CHI3L2: variants seen among roughly 807,000 people sequenced by gnomAD.
CHI3L2 encodes the protein chitinase 3 like 2.
CHI3L2 carries 47 observed loss-of-function variants against 47.3 expected under a neutral mutation model. The observed-to-expected ratio is 0.99, with a 90% CI of 0.79 to 1.27. CHI3L2 has a LOEUF of 1.27. Ranked by LOEUF, CHI3L2 falls within the 50% of genes most tolerant of loss-of-function variation. The pLI is 0.00. For synonymous variants in CHI3L2, 198 were observed against 169.9 expected, an observed-to-expected ratio of 1.17 and a Z score of -1.28; for missense variants, 497 against 462.1, an observed-to-expected ratio of 1.08 and a Z score of -0.69.
Position 111,238,941 on chromosome 1 carries a change from A to G in CHI3L2, c.918+9A>G. On this transcript the variant is annotated intron_variant, in intron 8 of 10. Coordinates refer to ENST00000369748, the MANE Select transcript of CHI3L2 (RefSeq NM_004000.3). ...TCCTGGCCTATTATGAGGTACCTGG[A>G]AACCCCCTGTACCCTCAGCTCCCTG... 6.3e-7 allele frequency: 1 copy of G among 1,582,580 alleles called. No homozygotes were observed. The highest frequency in any genetic ancestry group is 8.6e-7 in the Non-Finnish European group (1 of 1,167,254).
At chr1:111,235,586 G>A (rs963984737) in intron 5 of CHI3L2, 53 bp from the exon 6 acceptor site, 6 of 1,585,232 alleles carry the variant, frequency 3.8e-6, no homozygotes, top group African/African-American at 2.7e-5. Context: ...AAGAAGCTTA[G>A]CACTGTACTC....
Position 111,241,518 on chromosome 1 carries a change from T to C in CHI3L2, c.1035+75T>C. ...TAGTAAAATGCCTGAATACTCTATGTTCAAAGAGAGAAGCTTCTGAGGCCC... is the reference window on the plus strand; with the variant it reads ...TAGTAAAATGCCTGAATACTCTATGCTCAAAGAGAGAAGCTTCTGAGGCCC... On this transcript the variant is annotated intron_variant, in intron 9 of 10. Transcript: ENST00000369748. 5.1e-6 allele frequency: 4 copies of C among 777,984 alleles called. No homozygotes were observed. The East Asian group carries it at 9.8e-5, about 19-fold the overall frequency. The allele number at this position is 777,984 out of a possible 1,614,324, so 48.2% of individuals were successfully genotyped here. A position where few individuals can be genotyped will look rare whatever the true frequency, so the allele number is the denominator to read the frequency against.
chr1:111,242,729 A>C (rs1660097870), intron 10 of CHI3L2: 1 of 173,198 alleles, frequency 5.8e-6, no homozygotes, highest in Non-Finnish European at 1.2e-5. Context: ...TATGTCCTCA[A>C]TTCACTGGAC....
rs1660119802 is a variant in CHI3L2 at position 111,243,422 on chromosome 1, A to T, written c.*208A>T. The T allele has an allele frequency of 2.8e-6, 1 of 359,352 alleles. No homozygotes were observed. Among genetic ancestry groups the T allele is most frequent in the Non-Finnish European group, 5.4e-6 (1 of 183,598 alleles). 22.3% of individuals were successfully genotyped at this position (359,352 alleles called of 1,614,324 possible). On this transcript the variant is annotated 3_prime_UTR_variant, in exon 11 of 11. Coordinates refer to ENST00000369748, the MANE Select transcript of CHI3L2 (RefSeq NM_004000.3). ...GTTGCCCTGAAGTACAATAAAAAAA[A>T]TTCATTTTGCTCCAGTAAGTATGGC...
chr1:111,241,486 T>G (rs769808446), intron 9 of CHI3L2, 43 bp downstream of exon 9: 3 of 983,812 alleles, frequency 3.0e-6, no homozygotes, highest in Non-Finnish European at 3.3e-6. Context: ...TGGGGAATGG[T>G]GATATGTAGT....
Position 111,241,333 on chromosome 1 carries a change from C to T in CHI3L2, c.925C>T (p.Gln309Ter). 3 of 1,558,050 alleles carry T rather than the reference C, an allele frequency of 1.9e-6. No homozygotes were observed. The highest frequency in any genetic ancestry group is 2.7e-6 in the Non-Finnish European group (3 of 1,128,054). Residue 309 changes from glutamine (Q) to a stop codon, truncating the protein, a stop_gained, in exon 9 of 11, where the codon CAG (glutamine) becomes TAG (stop). Transcript: ENST00000369748. LOFTEE classifies it high-confidence loss of function. ...TTTCCCTTTCCCCTGCCAGATCTGC[C>T]AGTTCCTGAAAGGAGCCAAGATCAC... ...SGFLAYYEIC[Q>*]FLKGAKITRL... is the part of the protein sequence containing the mutation.
At chr1:111,237,700 C>A (rs1659924682) in intron 7 of CHI3L2, among the ~76,000 whole-genome samples, 1 of 152,188 alleles carries the variant, frequency 6.6e-6, no homozygotes, top group South Asian at 2.1e-4. Flanking sequence ...ACCTCCCAAT[C>A]TGTCTATAAA....
Position 111,229,421 on chromosome 1 carries a change from G to A in CHI3L2, c.41-431G>A, listed in dbSNP as rs552457999. On this transcript the variant is annotated intron_variant, in intron 1 of 10. Transcript: ENST00000369748. ...CCACAGGCCGGGCGCGGTGGCTCAC[G>A]CCTGTAATCCCAGCACTTTGGGAGG... Among the ~76,000 whole-genome samples, 325 of 152,146 alleles carry A rather than the reference G, an allele frequency of 2.1e-3. 1 individual carries two copies. The highest frequency in any genetic ancestry group is 5.9e-3 in the African/African-American group (245 of 41,502).
At chr1:111,238,586 T>C (rs1046318503) in intron 7 of CHI3L2, among the ~76,000 whole-genome samples, 164 bp from the exon 8 acceptor site, 1 of 152,228 alleles carries the variant, frequency 6.6e-6, no homozygotes, top group African/African-American at 2.4e-5. Context: ...AGAGCATATG[T>C]GCATTACAAC....
chr1:111,238,428 A>G (rs1461007894), intron 7 of CHI3L2, among the ~76,000 whole-genome samples: 1 of 152,254 alleles, frequency 6.6e-6, no homozygotes, highest in Non-Finnish European at 1.5e-5. Flanking sequence ...CAAGTTCCAC[A>G]GGGATTTTGA....
intron 4 of CHI3L2, among the ~76,000 whole-genome samples, chr1:111,234,188 TAA>T (rs553835455): frequency 1.5e-4 from 12 of 77,860 alleles, no homozygotes; most frequent in Non-Finnish European, 1.7e-4. Flanking sequence ...GAATGATCAA[TAA>T]AAAAAAAAAA....
intron 6 of CHI3L2, 80 bp from the exon 7 acceptor site, chr1:111,235,944 T>A (rs1659873585): frequency 3.8e-6 from 6 of 1,580,642 alleles, no homozygotes; most frequent in Non-Finnish European, 5.2e-6. Flanking sequence ...AGCAGCATCA[T>A]TCAAAGCCAA....
rs1660087008 is a variant in CHI3L2 at position 111,242,348 on chromosome 1, G to A, written c.1157G>A (p.Ser386Asn). Residue 386 changes from serine (S) to asparagine (N), a missense_variant, in exon 10 of 11, where the codon AGC becomes AAC. Physicochemically the swap from Ser to Asn is conservative, Grantham distance 46 (BLOSUM62 1). Coordinates refer to ENST00000369748, the MANE Select transcript of CHI3L2 (RefSeq NM_004000.3). ...PYPLVQAVKR[S>N]LGSL The stretch of plus-strand genomic sequence containing the variant: ...CCTCTTGTCCAAGCAGTCAAGAGAA[G>A]CCTTGGCTCCCTGTGAAGGTAACAG... 3.7e-6 allele frequency: 6 copies of A among 1,609,468 alleles called. No homozygotes were observed. The highest frequency in any genetic ancestry group is 3.4e-6 in the Non-Finnish European group (4 of 1,177,786).
chr1:111,227,762 C>A lies in CHI3L2; in HGVS notation c.33C>A (p.Leu11=), dbSNP rs764996993. 7.4e-6 allele frequency: 12 copies of A among 1,614,150 alleles called. No individual in the cohort carries two copies. Among genetic ancestry groups the A allele is most frequent in the Non-Finnish European group, 1.0e-5 (12 of 1,180,002 alleles). MGATTMDQKS[L]WAGVVVLLLL... ...CAACCACCATGGACCAGAAGTCTCT[C>A]TGGGCAGGTGAGCATGGGGTTGATA... Residue 11 remains leucine (L), a synonymous_variant, in exon 1 of 11, where the codon CTC becomes CTA. Coordinates refer to ENST00000369748, the MANE Select transcript of CHI3L2 (RefSeq NM_004000.3).
At chr1:111,229,660 C>A (rs7546290) in intron 1 of CHI3L2, 192 bp from the exon 2 acceptor site, 44,664 of 527,904 alleles carry the variant, frequency 0.085, 4,875 homozygotes, top group Admixed American at 0.15. Flanking sequence ...CCAGCCTGGG[C>A]GACAGAGCGA....
rs140844863 is a variant in CHI3L2, at chr1:111,232,892, G to A, written c.329+1598G>A. Among the ~76,000 whole-genome samples the A allele has an allele frequency of 1.8e-3, 275 of 152,246 alleles. 2 individuals are homozygous for A. Among genetic ancestry groups the A allele is most frequent in the African/African-American group, 6.2e-3 (257 of 41,550 alleles). ...GAAAAGCTAGAAAACTATTTCCACC[G>A]TAGTTTTCTGATATCAGGCCAGTTT... On this transcript the variant is annotated intron_variant, in intron 4 of 10. Coordinates refer to ENST00000369748, the MANE Select transcript of CHI3L2 (RefSeq NM_004000.3).
intron 4 of CHI3L2, among the ~76,000 whole-genome samples, chr1:111,232,084 C>A (rs572162231): frequency 2.0e-5 from 3 of 152,256 alleles, no homozygotes; most frequent in East Asian, 1.9e-4. Context: ...ACTTGTGCAA[C>A]CTGTCAGAAG....
At chr1:111,235,983 T>G (rs777724414) in intron 6 of CHI3L2, 41 bp from the exon 7 acceptor site, 1 of 1,610,612 alleles carries the variant, frequency 6.2e-7, no homozygotes, top group Non-Finnish European at 8.5e-7. Flanking sequence ...TTTCTACCAC[T>G]GCTCGTCACA....
chr1:111,228,680 C>A (rs374966014), intron 1 of CHI3L2, among the ~76,000 whole-genome samples: 1 of 152,368 alleles, frequency 6.6e-6, no homozygotes, highest in Admixed American at 6.5e-5. Flanking sequence ...CAGCCCTAAG[C>A]TCTGCAGGGG....
Sources: gnomAD v4.1 joint callset for allele counts (sites outside exome capture counted in the v4.1 genomes callset) on GRCh38, gnomAD v4.1.1 for gene constraint, MANE v1.5 for transcripts, NCBI Gene and HGNC (gene_info 2026-07-23, HGNC 2026-07-21) for gene names.